The following VPS13B variants were observed in gnomAD, a reference collection of about 807,000 sequenced individuals.
VPS13B encodes the protein vacuolar protein sorting 13 homolog B.
In VPS13B, 285 loss-of-function variants were observed where a neutral mutation model predicts 426.4. The observed-to-expected ratio is 0.67, with a 90% CI of 0.61 to 0.74. The LOEUF is 0.74. Ranked by LOEUF, VPS13B falls within the 30% of genes least tolerant of loss-of-function variation. The pLI, the probability that VPS13B is intolerant of heterozygous loss-of-function variation, is 0.00. For synonymous variants in VPS13B, 1,676 were observed against 1,676.4 expected, an observed-to-expected ratio of 1.00 and a Z score of 0.01; for missense variants, 4,537 against 4,782.6, an observed-to-expected ratio of 0.95 and a Z score of 1.51.
chr8:99,165,943 G>A (rs1230896887), intron 15 of VPS13B, among the ~76,000 whole-genome samples: 1 of 152,120 alleles, frequency 6.6e-6, no homozygotes, highest in African/African-American at 2.4e-5. Context: ...TAATAATTGA[G>A]TACAGTTTTT....
intron 2 of VPS13B, among the ~76,000 whole-genome samples, chr8:99,019,086 T>C (rs944919374): frequency 6.6e-5 from 10 of 152,192 alleles, no homozygotes; most frequent in Non-Finnish European, 1.2e-4. Context: ...GCCTTATTGA[T>C]TTATTTGTGA....
chr8:99,333,715 T>C (rs576336630), intron 19 of VPS13B, among the ~76,000 whole-genome samples: 1 of 152,062 alleles, frequency 6.6e-6, no homozygotes, highest in South Asian at 2.1e-4. Context: ...TGGCATCTAC[T>C]AATATCTCTA....
chr8:99,421,595 T>C (rs1816379721), intron 21 of VPS13B, among the ~76,000 whole-genome samples: 1 of 152,150 alleles, frequency 6.6e-6, no homozygotes, highest in Non-Finnish European at 1.5e-5. Flanking sequence ...ACTTAACCTC[T>C]TTGTCATCAG....
chr8:99,495,773 G>T (rs562164334), intron 25 of VPS13B, among the ~76,000 whole-genome samples: 1 of 152,292 alleles, frequency 6.6e-6, no homozygotes, highest in South Asian at 2.1e-4. Flanking sequence ...CTTAGGCTGA[G>T]ATAGATATTG....
Position 99,836,155 on chromosome 8 carries a change from A to C in VPS13B, c.9942+417A>C, listed in dbSNP as rs4077291. On this transcript the variant is annotated intron_variant, in intron 54 of 61. Transcript: ENST00000357162. ...TTTTAAAATTAGTAAAACCCCACAA[A>C]TATAAGTACAGTTTTAAAAACCTGA... 2.4e-3 allele frequency among the ~76,000 whole-genome samples: 373 copies of C among 152,330 alleles called. 1 individual carries two copies. Among genetic ancestry groups the C allele is most frequent in the African/African-American group, 7.4e-3 (308 of 41,582 alleles).
intron 33 of VPS13B, among the ~76,000 whole-genome samples, chr8:99,618,072 C>A (rs1588555353): frequency 6.6e-6 from 1 of 152,026 alleles, no homozygotes; most frequent in African/African-American, 2.4e-5. Context: ...TGGAGAACTG[C>A]AGTTTGCTCC....
chr8:99,358,036 C>A (rs1014336376), intron 19 of VPS13B, among the ~76,000 whole-genome samples: 4 of 115,424 alleles, frequency 3.5e-5, no homozygotes, highest in Admixed American at 2.5e-4. Context: ...ACACACACAC[C>A]ACACACACTT....
At chr8:99,869,046 G>A (rs1563518499) in intron 59 of VPS13B, among the ~76,000 whole-genome samples, 1 of 152,248 alleles carries the variant, frequency 6.6e-6, no homozygotes, top group Admixed American at 6.5e-5. Flanking sequence ...GCCTCTCCCC[G>A]TGCAGCCGCA....
intron 14 of VPS13B, among the ~76,000 whole-genome samples, chr8:99,155,033 G>T (rs758985652): frequency 2.0e-5 from 3 of 151,588 alleles, no homozygotes; most frequent in Non-Finnish European, 4.4e-5. Context: ...TAAGGAAAAA[G>T]ACAAAAAGGT....
intron 33 of VPS13B, among the ~76,000 whole-genome samples, chr8:99,598,971 C>CT (rs148002472): frequency 0.14 from 20,809 of 151,914 alleles, 1,981 homozygotes; most frequent in East Asian, 0.39. Flanking sequence ...CATTTCTAAA[C>CT]ATTTCTAAAG....
intron 36 of VPS13B, among the ~76,000 whole-genome samples, chr8:99,711,070 C>CT (rs1320019509): frequency 6.6e-6 from 1 of 151,964 alleles, no homozygotes; most frequent in Non-Finnish European, 1.5e-5. Flanking sequence ...TATGTTGTAG[C>CT]TTTTTTTAAT....
chr8:99,403,657 T>C (rs1815172258), intron 21 of VPS13B, among the ~76,000 whole-genome samples: 1 of 152,212 alleles, frequency 6.6e-6, no homozygotes, highest in East Asian at 1.9e-4. Context: ...GGTACTATGA[T>C]TGGCCCAGTG....
intron 25 of VPS13B, among the ~76,000 whole-genome samples, chr8:99,497,824 T>C (rs183309017): frequency 6.5e-4 from 99 of 152,286 alleles, no homozygotes; most frequent in African/African-American, 2.4e-3. Flanking sequence ...TTTTAAAATT[T>C]CTTGTAATTG....
chr8:99,146,274 A>G (rs886553345), intron 13 of VPS13B, among the ~76,000 whole-genome samples: 4 of 152,280 alleles, frequency 2.6e-5, no homozygotes, highest in South Asian at 2.1e-4. Flanking sequence ...TGAATTTTCA[A>G]TTGCACTAGC....
intron 6 of VPS13B, among the ~76,000 whole-genome samples, chr8:99,112,010 A>C (rs1847396544): frequency 1.3e-5 from 2 of 152,062 alleles, no homozygotes; most frequent in African/African-American, 4.8e-5. Flanking sequence ...GTCCATGTGT[A>C]CCCAAGATTT....
intron 39 of VPS13B, among the ~76,000 whole-genome samples, chr8:99,737,913 T>C (rs1378825448): frequency 6.6e-6 from 1 of 152,252 alleles, no homozygotes. Flanking sequence ...GCTTATTCAA[T>C]ATATGATATA....
At chr8:99,755,237 G>A (rs964754958) in intron 39 of VPS13B, among the ~76,000 whole-genome samples, 3 of 151,986 alleles carry the variant, frequency 2.0e-5, no homozygotes, top group East Asian at 3.9e-4. Context: ...GAAGGTGTGC[G>A]CCAGAGCTCA....
rs1230710158 is a variant in VPS13B at position 99,778,984 on chromosome 8, C to T, written c.7732C>T (p.Gln2578Ter). 6.2e-7 allele frequency: 1 copy of T among 1,613,866 alleles called. No homozygotes were observed. The highest frequency in any genetic ancestry group is 1.1e-5 in the South Asian group (1 of 91,066). The change falls in exon 42 of 62, where the codon CAG (glutamine) becomes TAG (stop). Residue 2578 changes from glutamine to a stop codon, truncating the protein, a stop_gained. Coordinates refer to ENST00000357162, the MANE Select transcript of VPS13B (RefSeq NM_152564.5). LOFTEE classifies it high-confidence loss of function. ...IVDSVFVNLG[Q>*]HVVHSLNTAI... is the part of the protein sequence containing the mutation. Reference sequence around the variant, plus strand: ...TGATTCTGTATTTGTAAACCTTGGACAGCATGTAGTCCATTCACTAAACAC... The same window carrying T: ...TGATTCTGTATTTGTAAACCTTGGATAGCATGTAGTCCATTCACTAAACAC...
chr8:99,519,044 A>G (rs1226641462), intron 29 of VPS13B, among the ~76,000 whole-genome samples: 2 of 152,236 alleles, frequency 1.3e-5, no homozygotes, highest in Non-Finnish European at 2.9e-5. Context: ...TTATACAGCT[A>G]CTATAGTAGA....
Sources: allele counts gnomAD v4.1 joint callset (sites outside exome capture counted in the v4.1 genomes callset), GRCh38; gene constraint gnomAD v4.1.1; transcripts MANE v1.5; gene names NCBI Gene and HGNC (gene_info 2026-07-23, HGNC 2026-07-21).